The following SACS variants were observed in gnomAD, a reference collection of about 807,000 sequenced individuals.
The protein encoded by SACS is sacsin.
Under a neutral mutation model 348.0 loss-of-function variants are expected in SACS, and 197 were observed. The ratio of observed to expected loss-of-function variants is 0.57; its 90% CI spans 0.50 to 0.64. SACS has a LOEUF of 0.64. Among genes scored for constraint, SACS ranks in the 30% least tolerant of loss-of-function variants. SACS has a pLI of 0.00. For synonymous variants in SACS, 1,985 were observed against 1,910.6 expected, an observed-to-expected ratio of 1.04 and a Z score of -1.02; for missense variants, 4,999 against 5,360.8, an observed-to-expected ratio of 0.93 and a Z score of 2.11.
intron 7 of SACS, among the ~76,000 whole-genome samples, chr13:23,356,817 G>A (rs1870419834): frequency 6.6e-6 from 1 of 152,188 alleles, no homozygotes; most frequent in Admixed American, 6.5e-5. Context: ...CTCCAGTGAA[G>A]TCAATCTTTA....
Position 23,425,990 on chromosome 13 carries a change from G to T in SACS, c.-502+7625C>A, listed in dbSNP as rs151042179. On this transcript the variant is annotated intron_variant, in intron 1 of 9. Transcript: ENST00000382292. The stretch of plus-strand genomic sequence containing the variant: ...TTTGTTAAAGTGATTTCATAGGGAT[G>T]ATCTTATTTCAGTCTCATAACAGCC... 2.0e-3 allele frequency among the ~76,000 whole-genome samples: 312 copies of T among 152,336 alleles called. 5 individuals carry two copies. Among genetic ancestry groups the T allele is most frequent in the African/African-American group, 7.2e-3 (300 of 41,586 alleles).
chr13:23,426,732 G>C (rs1206613761), intron 1 of SACS, among the ~76,000 whole-genome samples: 1 of 152,090 alleles, frequency 6.6e-6, no homozygotes, highest in African/African-American at 2.4e-5. Flanking sequence ...GAGTCAGACA[G>C]GTGATACACA....
Position 23,375,429 on chromosome 13 carries a change from G to A in SACS, c.21-160C>T, listed in dbSNP as rs1044152214. 4.7e-4 allele frequency: 559 copies of A among 1,199,220 alleles called. 2 individuals carry two copies. The African/African-American group carries it at 8.1e-3, about 17-fold the overall frequency. 74.3% of individuals were successfully genotyped at this position (1,199,220 alleles called of 1,614,324 possible). Reference sequence around the variant, plus strand: ...GCGCCCGATCACGGCCGGCCCTACCGCGTCCACAGGCCCCGCGCGGGCCGG... The same window carrying A: ...GCGCCCGATCACGGCCGGCCCTACCACGTCCACAGGCCCCGCGCGGGCCGG... On this transcript the variant is annotated intron_variant, in intron 2 of 9. Coordinates refer to ENST00000382292, the MANE Select transcript of SACS (RefSeq NM_014363.6).
At chr13:23,358,268 C>G in intron 7 of SACS, 67 bp downstream of exon 7, 1 of 1,546,616 alleles carries the variant, frequency 6.5e-7, no homozygotes, top group Non-Finnish European at 8.9e-7. Context: ...TGAAGTTAAC[C>G]AAATACATTA....
At chr13:23,356,037 C>T in intron 7 of SACS, 30 bp from the exon 8 acceptor site, 1 of 1,580,906 alleles carries the variant, frequency 6.3e-7, no homozygotes, top group Non-Finnish European at 8.6e-7. Context: ...TCATGATCAA[C>T]TCTGAAATTT....
At chr13:23,395,209 A>G (rs894161457) in intron 2 of SACS, among the ~76,000 whole-genome samples, 1 of 150,410 alleles carries the variant, frequency 6.6e-6, no homozygotes, top group Non-Finnish European at 1.5e-5. Context: ...TCAGAGTCCT[A>G]GGCTTCATTG....
chr13:23,398,491 A>G (rs6490793), intron 2 of SACS, among the ~76,000 whole-genome samples: 147,821 of 148,030 alleles, frequency 1, 73,806 homozygotes, highest in Non-Finnish European at 1. Flanking sequence ...CCGAGATGGC[A>G]CCATTACACT....
chr13:23,377,734 T>C (rs993035748), intron 2 of SACS, among the ~76,000 whole-genome samples: 7 of 152,158 alleles, frequency 4.6e-5, no homozygotes, highest in African/African-American at 1.7e-4. Flanking sequence ...TGACAGATAC[T>C]TCAAGAGGCA....
At chr13:23,364,141 A>G (rs1220339396) in intron 6 of SACS, among the ~76,000 whole-genome samples, 4 of 152,224 alleles carry the variant, frequency 2.6e-5, no homozygotes, top group African/African-American at 9.6e-5. Flanking sequence ...GAATGACTAT[A>G]TGAGACATAA....
At chr13:23,369,586 T>A (rs1251156023) in intron 4 of SACS, among the ~76,000 whole-genome samples, 1 of 151,150 alleles carries the variant, frequency 6.6e-6, no homozygotes, top group Non-Finnish European at 1.5e-5. Flanking sequence ...CTTCTATTGC[T>A]CAGGCTGGAG....
intron 7 of SACS, among the ~76,000 whole-genome samples, chr13:23,357,778 T>C (rs773921640): frequency 7.2e-5 from 11 of 152,382 alleles, no homozygotes; most frequent in Non-Finnish European, 1.3e-4. Context: ...AAACCTCATA[T>C]TCTTTCTAGA....
At chr13:23,396,857 C>T (rs1252563200) in intron 2 of SACS, among the ~76,000 whole-genome samples, 1 of 152,098 alleles carries the variant, frequency 6.6e-6, no homozygotes. Flanking sequence ...CAACTGGCAG[C>T]CTTAGAGTTA....
At chr13:23,418,529 T>C (rs966970954) in intron 1 of SACS, among the ~76,000 whole-genome samples, 2 of 152,066 alleles carry the variant, frequency 1.3e-5, no homozygotes, top group African/African-American at 4.8e-5. Flanking sequence ...TTACCTTACA[T>C]GGAGTCTTGC....
intron 1 of SACS, among the ~76,000 whole-genome samples, chr13:23,418,547 C>G (rs538612580): frequency 6.6e-6 from 1 of 152,130 alleles, no homozygotes; most frequent in Non-Finnish European, 1.5e-5. Flanking sequence ...TGCTCTGTCT[C>G]TCCAGCTGGA....
At position 23,368,468 on chromosome 13, in the gene SACS, C is replaced by T. The variant is rs373415912; in HGVS notation, c.279G>A (p.Thr93=). Residue 93 remains threonine, a synonymous_variant, in exon 5 of 10, where the codon ACG becomes ACA. Coordinates refer to ENST00000382292, the MANE Select transcript of SACS (RefSeq NM_014363.6). ...LKGGGRFGQT[T]PPLVDFLKDI... is the part of the protein sequence containing the mutation. Reference sequence around the variant, plus strand: ...CCTTGAGAAAATCAACAAGTGGTGGCGTTGTCTGACCAAATCGACCTAAAA... The same window carrying T: ...CCTTGAGAAAATCAACAAGTGGTGGTGTTGTCTGACCAAATCGACCTAAAA... The T allele has an allele frequency of 3.1e-5, 50 of 1,612,658 alleles. No individual in the cohort carries two copies. Among genetic ancestry groups the T allele is most frequent in the South Asian group, 2.2e-4 (20 of 90,748 alleles).
intron 8 of SACS, among the ~76,000 whole-genome samples, chr13:23,354,161 A>AT (rs1870160896): frequency 1.3e-5 from 2 of 152,338 alleles, no homozygotes; most frequent in African/African-American, 4.8e-5. Context: ...GTTTATAAAG[A>AT]ATTACTTAAT....
At chr13:23,393,439 C>T (rs1289527857) in intron 2 of SACS, among the ~76,000 whole-genome samples, 2 of 152,158 alleles carry the variant, frequency 1.3e-5, no homozygotes, top group African/African-American at 4.8e-5. Context: ...CCCACGTCCT[C>T]CCCTGTCCCT....
rs1349594894 is a variant in SACS, at chr13:23,332,373, A to T, written c.11503T>A (p.Phe3835Ile). Residue 3835 changes from phenylalanine to isoleucine, a missense_variant, in exon 10 of 10, where the codon TTT becomes ATT. By Grantham distance (21) the Phe-to-Ile change is conservative (BLOSUM62 0). This residue lies in a region of SACS where 831 missense variants were observed against 941.8 expected (regional missense o/e 0.88). Coordinates refer to ENST00000382292, the MANE Select transcript of SACS (RefSeq NM_014363.6). ...CCTAAGTGTTTGAACAACTGGTGAA[A>T]TGTGCCAAGTTCTAAAGGTAGCTTG... Reference protein sequence around the residue: ...LYKLPLELGTFHQLFKHLGTE... With the variant: ...LYKLPLELGTIHQLFKHLGTE... 1 of 1,614,048 alleles carries T rather than the reference A, an allele frequency of 6.2e-7. No homozygotes were observed. Among genetic ancestry groups the T allele is most frequent in the South Asian group, 1.1e-5 (1 of 91,078 alleles).
intron 9 of SACS, chr13:23,346,860 C>A (rs1175690548): frequency 1.0e-6 from 1 of 970,996 alleles, no homozygotes; most frequent in East Asian, 1.1e-4. Flanking sequence ...TAAATCCATT[C>A]TTAGAAGAGG....
Sources: allele counts gnomAD v4.1 joint callset (sites outside exome capture counted in the v4.1 genomes callset), GRCh38; gene constraint gnomAD v4.1.1; regional missense constraint gnomAD v4.1.1; transcripts MANE v1.5; gene names NCBI Gene and HGNC (gene_info 2026-07-23, HGNC 2026-07-21).